RNF170: variants seen among roughly 807,000 people sequenced by gnomAD.
RNF170 encodes the protein E3 ubiquitin-protein ligase RNF170.
RNF170 carries 12 observed loss-of-function variants against 32.7 expected under a neutral mutation model. That is an observed-to-expected ratio of 0.37 (90% CI 0.24 to 0.60). The LOEUF (loss-of-function observed/expected upper bound fraction) is 0.60. Among genes scored for constraint, RNF170 ranks in the 20% least tolerant of loss-of-function variants. The probability of loss-of-function intolerance (pLI) is 0.72; values close to 1 mark genes in which losing one functional copy is unlikely to be tolerated. For missense variants in RNF170, 212 were observed against 311.2 expected, an observed-to-expected ratio of 0.68 and a Z score of 2.40; for synonymous variants, 91 against 103.6, an observed-to-expected ratio of 0.88 and a Z score of 0.74.
Position 42,896,508 on chromosome 8 carries a change from C to A in RNF170, c.-32G>T. 2.2e-6 allele frequency: 1 copy of A among 453,992 alleles called. No individual in the cohort carries two copies. 28.1% of individuals were successfully genotyped at this position (453,992 alleles called of 1,614,324 possible). On this transcript the variant is annotated 5_prime_UTR_variant, in exon 1 of 7. Transcript: ENST00000527424. ...CCTCTCCACCGCGAAGGAACTACCTCGCCAGTTCCCGGCGACAGAGGACAG... is the reference window on the plus strand; with the variant it reads ...CCTCTCCACCGCGAAGGAACTACCTAGCCAGTTCCCGGCGACAGAGGACAG...
In RNF170 at chr8:42,855,496, C is replaced by T; in HGVS notation, c.*663G>A. 7.9e-7 allele frequency: 1 copy of T among 1,259,202 alleles called. No homozygotes were observed. The highest frequency in any genetic ancestry group is 1.0e-6 in the Non-Finnish European group (1 of 963,062). The allele number at this position is 1,259,202 out of a possible 1,614,324, so 78.0% of individuals were successfully genotyped here. On this transcript the variant is annotated 3_prime_UTR_variant, in exon 7 of 7. Coordinates refer to ENST00000527424, the MANE Select transcript of RNF170 (RefSeq NM_030954.4). Reference sequence around the variant, plus strand: ...AAAGTGCTAGGATTACAGGCGTGAGCCACCCCGCCCGGCCATGTTTTTCAT... The same window carrying T: ...AAAGTGCTAGGATTACAGGCGTGAGTCACCCCGCCCGGCCATGTTTTTCAT...
rs1806910403 is a variant in RNF170 at position 42,896,510 on chromosome 8, C to CCAGA, written c.-35_-34insTCTG. On this transcript the variant is annotated 5_prime_UTR_variant, in exon 1 of 7. Coordinates refer to ENST00000527424, the MANE Select transcript of RNF170 (RefSeq NM_030954.4). ...TCTCCACCGCGAAGGAACTACCTCG[C>CCAGA]CAGTTCCCGGCGACAGAGGACAGAT... 2.2e-6 allele frequency: 1 copy of CCAGA among 453,848 alleles called. No homozygotes were observed. Among genetic ancestry groups the CCAGA allele is most frequent in the South Asian group, 1.6e-5 (1 of 64,476 alleles). 28.1% of individuals were successfully genotyped at this position (453,848 alleles called of 1,614,324 possible). A position where few individuals can be genotyped will look rare whatever the true frequency, so the allele number is the denominator to read the frequency against.
chr8:42,863,980 A>AGAGTGTGTGTGT (rs149654513), intron 5 of RNF170, among the ~76,000 whole-genome samples: 25 of 139,584 alleles, frequency 1.8e-4, no homozygotes, highest in African/African-American at 4.9e-4. Context: ...AGAGAGAGAG[A>AGAGTGTGTGTGT]GTGTGTGTGT....
At chr8:42,886,273 GCAGCAATAT>G (rs1467546551) in intron 2 of RNF170, among the ~76,000 whole-genome samples, 1 of 151,850 alleles carries the variant, frequency 6.6e-6, no homozygotes, top group East Asian at 1.9e-4. Flanking sequence ...ACAGAGCCCT[GCAGCAATAT>G]ACAATGTCCT....
intron 4 of RNF170, among the ~76,000 whole-genome samples, chr8:42,868,694 A>G (rs1234799422): frequency 6.6e-6 from 1 of 152,052 alleles, no homozygotes; most frequent in Non-Finnish European, 1.5e-5. Context: ...CTCTACAAAA[A>G]TACAAAAATT....
intron 4 of RNF170, among the ~76,000 whole-genome samples, chr8:42,868,033 T>C (rs1353830637): frequency 6.6e-6 from 1 of 152,190 alleles, no homozygotes; most frequent in Non-Finnish European, 1.5e-5. Context: ...CGTTTAATTT[T>C]CCCTGCCCAA....
chr8:42,866,279 C>T (rs1804072295), intron 4 of RNF170, among the ~76,000 whole-genome samples: 1 of 152,162 alleles, frequency 6.6e-6, no homozygotes, highest in Non-Finnish European at 1.5e-5. Context: ...CGGTGGCTCA[C>T]ACCTGTAATC....
chr8:42,858,519 AC>A (rs1181225283), intron 6 of RNF170, among the ~76,000 whole-genome samples: 2 of 152,214 alleles, frequency 1.3e-5, no homozygotes, highest in Non-Finnish European at 2.9e-5. Context: ...AATGGTCCTT[AC>A]CCTTATGAAG....
rs1209583942 is a variant in RNF170 at position 42,877,994 on chromosome 8, A to G, written c.138-3988T>C. ...AGACTATTGGCACCATTTTTCCAAC[A>G]GCATGCACTTGCTTCATGTTTCTGT... On this transcript the variant is annotated intron_variant, in intron 2 of 6. Coordinates refer to ENST00000527424, the MANE Select transcript of RNF170 (RefSeq NM_030954.4). Among the ~76,000 whole-genome samples the G allele has an allele frequency of 2.6e-5, 4 of 152,232 alleles. No homozygotes were observed. The East Asian group carries it at 7.7e-4, about 29-fold the overall frequency.
At chr8:42,852,890 T>G (rs1279842178), downstream of RNF170, among the ~76,000 whole-genome samples, 1 of 152,110 alleles carries the variant, frequency 6.6e-6, no homozygotes, top group Admixed American at 6.6e-5. Flanking sequence ...TCCCAGCACT[T>G]TGGAAGGCTG....
chr8:42,866,704 T>A (rs1804109135), intron 4 of RNF170, among the ~76,000 whole-genome samples: 1 of 152,122 alleles, frequency 6.6e-6, no homozygotes, highest in Non-Finnish European at 1.5e-5. Context: ...ACTAGATGGA[T>A]TGGATTTTTC....
At chr8:42,849,768 T>A (rs1802896003), downstream of RNF170, 2 of 152,226 alleles carry the variant, frequency 1.3e-5, no homozygotes, top group African/African-American at 4.8e-5. Flanking sequence ...GTATTTCAAC[T>A]TAGAGTTCCC....
downstream of RNF170, chr8:42,850,265 G>A (rs771852165): frequency 5.4e-5 from 9 of 167,790 alleles, no homozygotes; most frequent in East Asian, 1.6e-4. Context: ...GCAGGCTGGC[G>A]TGAGGACTTT....
At chr8:42,883,463 G>A (rs1287056793) in intron 2 of RNF170, among the ~76,000 whole-genome samples, 3 of 150,644 alleles carry the variant, frequency 2.0e-5, no homozygotes, top group African/African-American at 7.3e-5. Context: ...CAGCTACTCA[G>A]GAGGCTGAGG....
rs1330584519 is a variant in RNF170 at position 42,896,564 on chromosome 8, C to T, written c.-88G>A. On this transcript the variant is annotated 5_prime_UTR_variant, in exon 1 of 7. Transcript: ENST00000527424. The stretch of plus-strand genomic sequence containing the variant: ...TTCCAGGACCGCTCCCGCCACCCCT[C>T]CCGGGCAACCCACTAGACGTCCCCT... 2.2e-6 allele frequency: 1 copy of T among 453,948 alleles called. No individual in the cohort carries two copies. The highest frequency in any genetic ancestry group is 1.6e-5 in the South Asian group (1 of 64,486). The allele number at this position is 453,948 out of a possible 1,614,324, so 28.1% of individuals were successfully genotyped here.
chr8:42,856,899 G>A (rs1488698637), intron 6 of RNF170, among the ~76,000 whole-genome samples: 1 of 152,072 alleles, frequency 6.6e-6, no homozygotes, highest in Non-Finnish European at 1.5e-5. Flanking sequence ...TTATGTGCAA[G>A]GACTGTTAAG....
At chr8:42,852,956 CTTTTT>C (rs76276558), downstream of RNF170, among the ~76,000 whole-genome samples, 1 of 138,924 alleles carries the variant, frequency 7.2e-6, no homozygotes. Flanking sequence ...TATCTACAAA[CTTTTT>C]TTTTTTTTTT....
rs1806820133 is a variant in RNF170, at chr8:42,896,133, C to T, written c.-8+351G>A. 15 of 213,916 alleles carry T rather than the reference C, an allele frequency of 7.0e-5. No homozygotes were observed. The South Asian group carries it at 8.0e-4, about 11-fold the overall frequency. 13.3% of individuals were successfully genotyped at this position (213,916 alleles called of 1,614,324 possible). A position where few individuals can be genotyped will look rare whatever the true frequency, so the allele number is the denominator to read the frequency against. ...CTGAGAAACGCAGGCCCGGGGTCGGCCGGTGTCCTTACGGATTGGCGAGCG... is the reference window on the plus strand; with the variant it reads ...CTGAGAAACGCAGGCCCGGGGTCGGTCGGTGTCCTTACGGATTGGCGAGCG... On this transcript the variant is annotated intron_variant, in intron 1 of 6. Coordinates refer to ENST00000527424, the MANE Select transcript of RNF170 (RefSeq NM_030954.4).
intron 1 of RNF170, among the ~76,000 whole-genome samples, chr8:42,895,565 G>A (rs1408006794): frequency 6.6e-6 from 1 of 152,158 alleles, no homozygotes; most frequent in African/African-American, 2.4e-5. Flanking sequence ...CAACATATTT[G>A]CACTACGTTC....
Sources: allele counts gnomAD v4.1 joint callset (sites outside exome capture counted in the v4.1 genomes callset), GRCh38; gene constraint gnomAD v4.1.1; transcripts MANE v1.5; gene names NCBI Gene and HGNC (gene_info 2026-07-23, HGNC 2026-07-21).